Variants in SV2B observed in about 807,000 individuals in gnomAD.
The protein encoded by SV2B is solute carrier family 22 member B2.
A neutral mutation model predicts 73.9 loss-of-function variants in SV2B; 41 were observed. That is an observed-to-expected ratio of 0.56 (90% CI 0.43 to 0.72). SV2B has a LOEUF of 0.72. SV2B is among the 30% of genes least tolerant of loss of function. SV2B has a pLI of 0.00. For synonymous variants in SV2B, 314 were observed against 314.2 expected, an observed-to-expected ratio of 1.00 and a Z score of 0.01; for missense variants, 764 against 857.8, an observed-to-expected ratio of 0.89 and a Z score of 1.37.
intron 1 of SV2B, among the ~76,000 whole-genome samples, chr15:91,221,693 G>GCGCGCGCGCGCACACACA (rs370290337): frequency 5.1e-4 from 71 of 140,156 alleles, no homozygotes; most frequent in Middle Eastern, 3.6e-3. Context: ...AAGCATGTGC[G>GCGCGCGCGCGCACACACA]CACACACACA....
rs536478970 is a variant in SV2B, at chr15:91,141,263, C to T, written c.-392+40900C>T. 5.3e-5 allele frequency among the ~76,000 whole-genome samples: 8 copies of T among 152,236 alleles called. 1 individual carries two copies. The highest frequency in any genetic ancestry group is 5.9e-5 in the Non-Finnish European group (4 of 68,022). ...ATGTACAGCTTGAGTTGGGAACTGC[C>T]GATGCTGAGTTAGAGCTATTCTAGC... On this transcript the variant is annotated intron_variant, in intron 1 of 12. Coordinates refer to ENST00000394232, the MANE Select transcript of SV2B (RefSeq NM_001323032.3). The surrounding 1 kb of genome is among the most constrained non-coding windows in gnomAD (Gnocchi z 4.6).
Position 91,283,888 on chromosome 15 carries a change from C to CGACATGGCCACA in SV2B, c.1508-133_1508-132insGACATGGCCACA. The CGACATGGCCACA allele has an allele frequency of 4.4e-6, 4 of 902,356 alleles. No homozygotes were observed. The highest frequency in any genetic ancestry group is 7.0e-6 in the Non-Finnish European group (4 of 569,000). 55.9% of individuals were successfully genotyped at this position (902,356 alleles called of 1,614,324 possible). ...ATGACATGGCCACATATTACCTTGA[C>CGACATGGCCACA]TTTGAGGCTGTCTGACTGGCAAAGG... On this transcript the variant is annotated intron_variant, in intron 10 of 12. Coordinates refer to ENST00000394232, the MANE Select transcript of SV2B (RefSeq NM_001323032.3). This position sits in a 1 kb window ranked among gnomAD's most constrained non-coding sequence, Gnocchi z 4.3.
At chr15:91,194,283 C>G (rs1459657862) in intron 1 of SV2B, among the ~76,000 whole-genome samples, 1 of 152,118 alleles carries the variant, frequency 6.6e-6, no homozygotes, top group Non-Finnish European at 1.5e-5. Context: ...TCCCTCGGCT[C>G]TGCCCTGTAA....
At chr15:91,127,796 T>G (rs1223154463) in intron 1 of SV2B, among the ~76,000 whole-genome samples, 1 of 152,150 alleles carries the variant, frequency 6.6e-6, no homozygotes, top group African/African-American at 2.4e-5. Context: ...AGGTTTTAAC[T>G]TGTGCATATT....
intron 1 of SV2B, among the ~76,000 whole-genome samples, chr15:91,208,547 A>T (rs1369625787): frequency 6.6e-6 from 1 of 152,202 alleles, no homozygotes; most frequent in Admixed American, 6.5e-5. Flanking sequence ...TGGACCCTGG[A>T]TGATGCCTGA....
At position 91,220,621 on chromosome 15, in the gene SV2B, G is replaced by A. The variant is rs1237434202; in HGVS notation, c.-391-5252G>A. Among the ~76,000 whole-genome samples, 2 of 152,218 alleles carry A rather than the reference G, an allele frequency of 1.3e-5. No individual in the cohort carries two copies. Among genetic ancestry groups the A allele is most frequent in the African/African-American group, 2.4e-5 (1 of 41,460 alleles). On this transcript the variant is annotated intron_variant, in intron 1 of 12. Coordinates refer to ENST00000394232, the MANE Select transcript of SV2B (RefSeq NM_001323032.3). The surrounding 1 kb of genome is among the most constrained non-coding windows in gnomAD (Gnocchi z 4.1). ...TTGAGTCATATAGCATAGATGCGGA[G>A]GCTAATAGAATGTAAAAGTTAAAGG... is the stretch of plus-strand genomic sequence containing the variant.
rs950390482 is a variant in SV2B at position 91,288,135 on chromosome 15, T to C, written c.1709-1386T>C. 6.6e-6 allele frequency among the ~76,000 whole-genome samples: 1 copy of C among 152,168 alleles called. No individual in the cohort carries two copies. The highest frequency in any genetic ancestry group is 2.4e-5 in the African/African-American group (1 of 41,436). ...GGCTGAGAAGGGCAAGTCAGATCTC[T>C]GGGGTGGGGATTCGGGTAAATGGGG... On this transcript the variant is annotated intron_variant, in intron 11 of 12. Coordinates refer to ENST00000394232, the MANE Select transcript of SV2B (RefSeq NM_001323032.3). The surrounding 1 kb of genome is among the most constrained non-coding windows in gnomAD (Gnocchi z 5.8).
At chr15:91,278,541 C>T (rs1042202436) in intron 9 of SV2B, among the ~76,000 whole-genome samples, 66 of 149,592 alleles carry the variant, frequency 4.4e-4, no homozygotes, top group African/African-American at 1.2e-3. Context: ...TAGCCGGGCG[C>T]GGTGGCGGGT....
rs1482922716 is a variant in SV2B at position 91,122,276 on chromosome 15, A to G, written c.-392+21913A>G. On this transcript the variant is annotated intron_variant, in intron 1 of 12. Coordinates refer to ENST00000394232, the MANE Select transcript of SV2B (RefSeq NM_001323032.3). The surrounding 1 kb of genome is among the most constrained non-coding windows in gnomAD (Gnocchi z 4.3). ...ACAATGAGTACAGAGTCAGATTCAG[A>G]GAAGGAGTTGATCAACGATATCCTC... Among the ~76,000 whole-genome samples, 1 of 152,248 alleles carries G rather than the reference A, an allele frequency of 6.6e-6. No individual in the cohort carries two copies. Among genetic ancestry groups the G allele is most frequent in the African/African-American group, 2.4e-5 (1 of 41,452 alleles).
At chr15:91,135,463 T>C (rs1001047051) in intron 1 of SV2B, among the ~76,000 whole-genome samples, 1 of 152,138 alleles carries the variant, frequency 6.6e-6, no homozygotes, top group Non-Finnish European at 1.5e-5. Context: ...AGAGGTACTT[T>C]TTGTTGAGCA....
chr15:91,268,262 G>A lies in SV2B; in HGVS notation c.1209-179G>A, dbSNP rs1232237512. On this transcript the variant is annotated intron_variant, in intron 8 of 12. Coordinates refer to ENST00000394232, the MANE Select transcript of SV2B (RefSeq NM_001323032.3). This position sits in a 1 kb window ranked among gnomAD's most constrained non-coding sequence, Gnocchi z 4.4. ...ATGCCTTTTCAGCATTTATGGAGGT[G>A]GTCATAGTTTTCCCCTTGTATTTAT... is the stretch of plus-strand genomic sequence containing the variant. Among the ~76,000 whole-genome samples the A allele has an allele frequency of 2.6e-5, 4 of 152,162 alleles. No homozygotes were observed. Among genetic ancestry groups the A allele is most frequent in the East Asian group, 1.9e-4 (1 of 5,202 alleles).
Position 91,224,588 on chromosome 15 carries a change from C to T in SV2B, c.-391-1285C>T, listed in dbSNP as rs570916460. On this transcript the variant is annotated intron_variant, in intron 1 of 12. Transcript: ENST00000394232. This position sits in a 1 kb window ranked among gnomAD's most constrained non-coding sequence, Gnocchi z 4.9. ...CAGGTGATTTAATGTGACAGTCCCTCGGGGTAGCATCTGGGAAGTATGAGG... is the reference window on the plus strand; with the variant it reads ...CAGGTGATTTAATGTGACAGTCCCTTGGGGTAGCATCTGGGAAGTATGAGG... Among the ~76,000 whole-genome samples, 2 of 152,094 alleles carry T rather than the reference C, an allele frequency of 1.3e-5. No homozygotes were observed. The highest frequency in any genetic ancestry group is 2.1e-4 in the South Asian group (1 of 4,824).
chr15:91,207,212 G>A (rs1441192803), intron 1 of SV2B, among the ~76,000 whole-genome samples: 3 of 146,566 alleles, frequency 2.0e-5, no homozygotes, highest in Non-Finnish European at 4.5e-5. Context: ...TTTGAGAGAC[G>A]GGGTCTCACC....
Position 91,267,505 on chromosome 15 carries a change from A to C in SV2B, c.1120-50A>C, listed in dbSNP as rs1413625682. 1 of 1,522,772 alleles carries C rather than the reference A, an allele frequency of 6.6e-7. No homozygotes were observed. The highest frequency in any genetic ancestry group is 1.7e-5 in the Admixed American group (1 of 58,284). The allele number at this position is 1,522,772 out of a possible 1,614,324, so 94.3% of individuals were successfully genotyped here. On this transcript the variant is annotated intron_variant, in intron 7 of 12. Transcript: ENST00000394232. The surrounding 1 kb of genome is among the most constrained non-coding windows in gnomAD (Gnocchi z 4.3). ...GTAATGAGCTCTTCGTGGGAGAAACAAAGTCACACATTGCTTTCTTTAACA... is the reference window on the plus strand; with the variant it reads ...GTAATGAGCTCTTCGTGGGAGAAACCAAGTCACACATTGCTTTCTTTAACA...
intron 1 of SV2B, among the ~76,000 whole-genome samples, chr15:91,179,985 T>C (rs2044483223): frequency 6.6e-6 from 1 of 151,630 alleles, no homozygotes. Flanking sequence ...TTCTTCCTAG[T>C]CTCGATGGTC....
In SV2B at chr15:91,161,977, G is replaced by T. The variant is rs144993548; in HGVS notation, c.-392+61614G>T. On this transcript the variant is annotated intron_variant, in intron 1 of 12. Coordinates refer to ENST00000394232, the MANE Select transcript of SV2B (RefSeq NM_001323032.3). ...AGAATCTAATCTCAAATTAGTCAGG[G>T]TATCCACAGATGACAATACAAGTGA... Among the ~76,000 whole-genome samples, 1,521 of 152,256 alleles carry T rather than the reference G, an allele frequency of 1.0e-2. 24 individuals carry two copies. The highest frequency in any genetic ancestry group is 0.033 in the African/African-American group (1,381 of 41,528).
rs529483891 is a variant in SV2B at position 91,258,466 on chromosome 15, G to A, written c.830G>A (p.Arg277Lys). The A allele has an allele frequency of 1.2e-6, 2 of 1,614,170 alleles. No homozygotes were observed. The highest frequency in any genetic ancestry group is 1.3e-5 in the African/African-American group (1 of 75,056). The change falls in exon 5 of 13, where the codon AGA becomes AAA. Residue 277 changes from arginine (R) to lysine (K), a missense_variant. By Grantham distance (26) the Arg-to-Lys change is conservative. Transcript: ENST00000394232. The surrounding 1 kb of genome is among the most constrained non-coding windows in gnomAD (Gnocchi z 4.7). ...ACCAATTACCACTTCCATAGCTGGA[G>A]AGTGTTTGTCATCGTCTGTGCTCTG... ...MGTNYHFHSW[R>K]VFVIVCALPC...
chr15:91,225,058 T>C lies in SV2B; in HGVS notation c.-391-815T>C, dbSNP rs543092637. On this transcript the variant is annotated intron_variant, in intron 1 of 12. Transcript: ENST00000394232. ...AGACCAGGCACGATTCTAAGTACTT[T>C]ATGCACAACCTTATGAATTAAGTAC... Among the ~76,000 whole-genome samples, 110 of 152,264 alleles carry C rather than the reference T, an allele frequency of 7.2e-4. 2 individuals carry two copies. Among genetic ancestry groups the C allele is most frequent in the Admixed American group, 7.8e-4 (12 of 15,292 alleles).
chr15:91,275,546 T>C (rs1225027929), intron 9 of SV2B, among the ~76,000 whole-genome samples: 8 of 152,200 alleles, frequency 5.3e-5, no homozygotes, highest in Non-Finnish European at 1.2e-4. Context: ...AAAAATAGGC[T>C]GGACATAGTG....
Sources: gnomAD v4.1 joint callset for allele counts (sites outside exome capture counted in the v4.1 genomes callset) on GRCh38, gnomAD v4.1.1 for gene constraint, Gnocchi (gnomAD v3.1) non-coding constraint, MANE v1.5 for transcripts, NCBI Gene and HGNC (gene_info 2026-07-23, HGNC 2026-07-21) for gene names.